The following NEO1 variants were observed in gnomAD, a reference collection of about 807,000 sequenced individuals.
NEO1 encodes the protein neogenin.
In NEO1, 63 loss-of-function variants were observed where a neutral mutation model predicts 159.7. The observed-to-expected ratio is 0.39, with a 90% CI of 0.32 to 0.49. The LOEUF (loss-of-function observed/expected upper bound fraction) is 0.49. Ranked by LOEUF, NEO1 falls within the 20% of genes least tolerant of loss-of-function variation. The pLI, the probability that NEO1 is intolerant of heterozygous loss-of-function variation, is 0.85. For missense variants in NEO1, 1,615 were observed against 1,831.0 expected (o/e 0.88, Z 2.15); for synonymous variants, 633 against 662.0 (o/e 0.96, Z 0.67).
rs140296688 is a variant in NEO1, at chr15:73,295,882, A to G, written c.3901+2334A>G. ...TTGTCCAATCACTTGGCCAGTGTGA[A>G]CTCTGTGTGTCTTAACTCTTTAAGA... is the stretch of plus-strand genomic sequence containing the variant. On this transcript the variant is annotated intron_variant, in intron 26 of 28. Coordinates refer to ENST00000261908, the MANE Select transcript of NEO1 (RefSeq NM_002499.4). Among the ~76,000 whole-genome samples the G allele has an allele frequency of 2.9e-3, 434 of 152,246 alleles. 7 individuals are homozygous for G. The highest frequency in any genetic ancestry group is 2.4e-3 in the Non-Finnish European group (165 of 68,016).
chr15:73,122,668 G>C lies in NEO1; in HGVS notation c.592G>C (p.Val198Leu). The C allele has an allele frequency of 6.2e-7, 1 of 1,614,142 alleles. No individual in the cohort carries two copies. The highest frequency in any genetic ancestry group is 8.5e-7 in the Non-Finnish European group (1 of 1,180,030). The change falls in exon 3 of 29, where the codon GTT becomes CTT. Residue 198 changes from valine to leucine, a missense_variant. Around this residue, in one of 3 missense-constraint regions of NEO1, gnomAD observed 1,018 missense variants for 1,115.4 expected, o/e 0.91. Coordinates refer to ENST00000261908, the MANE Select transcript of NEO1 (RefSeq NM_002499.4). ...NRQPLLLDDRVIKLPSGMLVI... is the reference protein window; with the variant it reads ...NRQPLLLDDRLIKLPSGMLVI... ...ACAACCCCTTCTTCTGGATGATAGA[G>C]TTATCAAACTTCCAAGTGGAATGCT...
At chr15:73,234,364 C>T (rs2039064938) in intron 7 of NEO1, among the ~76,000 whole-genome samples, 1 of 152,190 alleles carries the variant, frequency 6.6e-6, no homozygotes, top group African/African-American at 2.4e-5. Context: ...GTTGTCTTCT[C>T]TGTTAATGAC....
At chr15:73,164,037 A>AT (rs1227563073) in intron 5 of NEO1, among the ~76,000 whole-genome samples, 35 of 107,256 alleles carry the variant, frequency 3.3e-4, no homozygotes, top group Admixed American at 1.4e-3. Flanking sequence ...TTTTTTTCTT[A>AT]TTTTTTTTGA....
intron 1 of NEO1, among the ~76,000 whole-genome samples, chr15:73,093,135 A>T (rs1595956197): frequency 6.6e-6 from 1 of 152,278 alleles, no homozygotes; most frequent in African/African-American, 2.4e-5. Flanking sequence ...TCAGGATTAG[A>T]CTGGGGCTTA....
chr15:73,273,717 A>C, intron 19 of NEO1, 94 bp from the exon 20 acceptor site: 1 of 858,396 alleles, frequency 1.2e-6, no homozygotes. Context: ...TTATGCTATA[A>C]TATTCATATG....
rs779580742 is a variant in NEO1, at chr15:73,116,552, G to A, written c.143G>A (p.Arg48Gln). 10 of 1,518,662 alleles carry A rather than the reference G, an allele frequency of 6.6e-6. No individual in the cohort carries two copies. Among genetic ancestry groups the A allele is most frequent in the Middle Eastern group, 1.8e-4 (1 of 5,686 alleles). 94.1% of individuals were successfully genotyped at this position (1,518,662 alleles called of 1,614,324 possible). A position where few individuals can be genotyped will look rare whatever the true frequency, so the allele number is the denominator to read the frequency against. The change falls in exon 2 of 29, where the codon CGA becomes CAA. Residue 48 changes from arginine to glutamine, a missense_variant. By Grantham distance (43) the Arg-to-Gln change is conservative (BLOSUM62 1). Transcript: ENST00000261908. The part of the protein sequence containing the change: ...SAPQSPGASI[R>Q]TFTPFYFLVE... The stretch of plus-strand genomic sequence containing the variant: ...TTTATTTTTGTAGGAGCCAGCATTC[G>A]AACGTTCACTCCATTTTATTTTCTG...
intron 7 of NEO1, among the ~76,000 whole-genome samples, chr15:73,193,818 A>G (rs1181436176): frequency 1.3e-5 from 2 of 151,902 alleles, no homozygotes; most frequent in Non-Finnish European, 2.9e-5. Context: ...CGCTACTCTA[A>G]TTCTAAACTG....
chr15:73,259,062 G>GAACT (rs2040496792), intron 14 of NEO1, 186 bp downstream of exon 14: 1 of 536,476 alleles, frequency 1.9e-6, no homozygotes, highest in Non-Finnish European at 3.4e-6. Flanking sequence ...GCCTTGTAGA[G>GAACT]AACTGTCCTT....
chr15:73,108,353 T>TTTACA (rs2070793928), intron 1 of NEO1, among the ~76,000 whole-genome samples: 2 of 152,238 alleles, frequency 1.3e-5, no homozygotes, highest in Admixed American at 1.3e-4. Flanking sequence ...TTATGGTACT[T>TTTACA]TAAGAAGTTA....
At chr15:73,228,550 T>TTTG (rs906681653) in intron 7 of NEO1, among the ~76,000 whole-genome samples, 72 of 152,084 alleles carry the variant, frequency 4.7e-4, no homozygotes, top group Non-Finnish European at 8.2e-4. Context: ...TGGGTTGTTT[T>TTTG]TTGTTGTTGT....
At chr15:73,165,530 G>A (rs1428457196) in intron 5 of NEO1, among the ~76,000 whole-genome samples, 1 of 152,094 alleles carries the variant, frequency 6.6e-6, no homozygotes, top group Non-Finnish European at 1.5e-5. Context: ...CAACAAGCAT[G>A]GTAAAAAATC....
chr15:73,151,167 A>G (rs184474726), intron 5 of NEO1, among the ~76,000 whole-genome samples: 3 of 152,244 alleles, frequency 2.0e-5, no homozygotes, highest in Admixed American at 6.5e-5. Context: ...TAGCATTTCT[A>G]TATGGTTTTA....
intron 26 of NEO1, among the ~76,000 whole-genome samples, chr15:73,296,882 T>C (rs371011861): frequency 1.3e-5 from 2 of 152,232 alleles, no homozygotes; most frequent in East Asian, 1.9e-4. Flanking sequence ...GTAAAACTTA[T>C]GAATTATTTA....
At chr15:73,113,755 G>T (rs1019978517) in intron 1 of NEO1, among the ~76,000 whole-genome samples, 1 of 152,076 alleles carries the variant, frequency 6.6e-6, no homozygotes, top group African/African-American at 2.4e-5. Context: ...GCAGGGCCCT[G>T]TAGGTGAAAA....
Position 73,304,602 on chromosome 15 carries a change from C to A in NEO1, c.*1906C>A, listed in dbSNP as rs2042721174. The stretch of plus-strand genomic sequence containing the variant: ...CGAGCTCGCTGGTCACATGGGGGTG[C>A]CAGGCGGGATTCTGGAAAACCAGTG... On this transcript the variant is annotated 3_prime_UTR_variant, in exon 29 of 29. Transcript: ENST00000261908. 6.6e-6 allele frequency: 1 copy of A among 152,184 alleles called. No homozygotes were observed. Among genetic ancestry groups the A allele is most frequent in the African/African-American group, 2.4e-5 (1 of 41,416 alleles). 9.4% of individuals were successfully genotyped at this position (152,184 alleles called of 1,614,324 possible). A position where few individuals can be genotyped will look rare whatever the true frequency, so the allele number is the denominator to read the frequency against.
chr15:73,054,974 G>A (rs1163143400), intron 1 of NEO1, among the ~76,000 whole-genome samples: 1 of 152,182 alleles, frequency 6.6e-6, no homozygotes, highest in Non-Finnish European at 1.5e-5. Context: ...GACATGTTCA[G>A]TAGTAGAAGG....
At chr15:73,273,621 G>C (rs2041275829) in intron 19 of NEO1, among the ~76,000 whole-genome samples, 190 bp from the exon 20 acceptor site, 1 of 152,152 alleles carries the variant, frequency 6.6e-6, no homozygotes, top group Admixed American at 6.5e-5. Flanking sequence ...ACATCGGTAA[G>C]AGCTAAAACA....
chr15:73,099,865 A>G (rs573377132), intron 1 of NEO1, among the ~76,000 whole-genome samples: 1 of 152,340 alleles, frequency 6.6e-6, no homozygotes, highest in Non-Finnish European at 1.5e-5. Context: ...AATCGCTTTA[A>G]AAATGTGAAA....
At chr15:73,200,670 CTTT>C (rs931779531) in intron 7 of NEO1, among the ~76,000 whole-genome samples, 2 of 92,864 alleles carry the variant, frequency 2.2e-5, no homozygotes, top group East Asian at 7.0e-4. Context: ...ATTCCCTTAT[CTTT>C]TTTTTTTTTT....
Sources: gnomAD v4.1 joint callset for allele counts (sites outside exome capture counted in the v4.1 genomes callset) on GRCh38, gnomAD v4.1.1 for gene constraint, gnomAD v4.1.1 regional missense constraint, MANE v1.5 for transcripts, NCBI Gene and HGNC (gene_info 2026-07-23, HGNC 2026-07-21) for gene names.